The following NCOA1 variants were observed in gnomAD, a reference collection of about 807,000 sequenced individuals.
NCOA1 encodes Hin-2 protein.
A neutral mutation model predicts 150.9 loss-of-function variants in NCOA1; 35 were observed. The observed-to-expected ratio is 0.23, with a 90% CI of 0.18 to 0.31. NCOA1 has a LOEUF of 0.31. Ranked by LOEUF, NCOA1 falls within the 10% of genes least tolerant of loss-of-function variation. The pLI, the probability that NCOA1 is intolerant of heterozygous loss-of-function variation, is 1.00. For synonymous variants in NCOA1, 590 were observed against 630.0 expected (o/e 0.94, Z 0.95); for missense variants, 1,491 against 1,749.3 (o/e 0.85, Z 2.63).
intron 3 of NCOA1, among the ~76,000 whole-genome samples, chr2:24,616,633 G>A (rs1668882538): frequency 1.3e-5 from 2 of 152,262 alleles, no homozygotes; most frequent in Admixed American, 6.5e-5. Flanking sequence ...AACCTGATGA[G>A]TGTGACTTGA....
chr2:24,598,883 A>G (rs1487309647), intron 3 of NCOA1, among the ~76,000 whole-genome samples: 1 of 152,184 alleles, frequency 6.6e-6, no homozygotes, highest in African/African-American at 2.4e-5. Context: ...TAATCAAGAT[A>G]CTACCCAACT....
chr2:24,535,836 C>T (rs1200066962), intron 1 of NCOA1, among the ~76,000 whole-genome samples: 2 of 152,156 alleles, frequency 1.3e-5, no homozygotes, highest in African/African-American at 2.4e-5. Flanking sequence ...GTCTGATGGG[C>T]TTCCCTTTGT....
intron 21 of NCOA1, among the ~76,000 whole-genome samples, chr2:24,760,517 A>G (rs1001136896): frequency 1.3e-5 from 2 of 152,026 alleles, no homozygotes; most frequent in African/African-American, 4.8e-5. Flanking sequence ...TGTCTGAAAA[A>G]GTCTTTCACC....
At chr2:24,746,570 A>C (rs536971181) in intron 19 of NCOA1, among the ~76,000 whole-genome samples, 3 of 152,312 alleles carry the variant, frequency 2.0e-5, no homozygotes, top group African/African-American at 7.2e-5. Context: ...TAGTCTAGGC[A>C]AAGATAGAAC....
At position 24,760,452 on chromosome 2, in the gene NCOA1, C is replaced by T. The variant is rs191608954; in HGVS notation, c.4066-2235C>T. Among the ~76,000 whole-genome samples the T allele has an allele frequency of 6.7e-3, 1,024 of 152,024 alleles. 3 individuals carry two copies. The highest frequency in any genetic ancestry group is 9.8e-3 in the Admixed American group (149 of 15,264). On this transcript the variant is annotated intron_variant, in intron 21 of 22. Transcript: ENST00000348332. ...GATTACAGGCGTGAGCCACCGCGCCCGGCCTTGGCTTTAACATTTTTATAG... is the reference window on the plus strand; with the variant it reads ...GATTACAGGCGTGAGCCACCGCGCCTGGCCTTGGCTTTAACATTTTTATAG...
chr2:24,492,718 T>G (rs1347730105), intron 1 of NCOA1, among the ~76,000 whole-genome samples: 1 of 152,038 alleles, frequency 6.6e-6, no homozygotes, highest in Non-Finnish European at 1.5e-5. Context: ...TCGAGTGTGA[T>G]GTTGGTGAGT....
At position 24,621,432 on chromosome 2, in the gene NCOA1, A is replaced by ATTTTTTTTTTTTT. The variant is rs1162282258; in HGVS notation, c.-174-22513_-174-22501dup. ...TTGTGTTATGTGTGTATTCAGGCAGATTTTTTTTTTTTTTTTTTTTTTTTT... is the reference window on the plus strand; with the variant it reads ...TTGTGTTATGTGTGTATTCAGGCAGATTTTTTTTTTTTTTTTTTTTTTTTTTTTTTTTTTTTTT... On this transcript the variant is annotated intron_variant, in intron 3 of 22. Transcript: ENST00000348332. Among the ~76,000 whole-genome samples, 26 of 38,892 alleles carry ATTTTTTTTTTTTT rather than the reference A, an allele frequency of 6.7e-4. 7 individuals are homozygous for ATTTTTTTTTTTTT. The highest frequency in any genetic ancestry group is 1.5e-3 in the African/African-American group (13 of 8,606). The allele number at this position is 38,892 out of a possible 152,430, so 25.5% of individuals were successfully genotyped here.
intron 13 of NCOA1, among the ~76,000 whole-genome samples, chr2:24,709,335 T>C (rs1391399916): frequency 6.6e-6 from 1 of 152,138 alleles, no homozygotes; most frequent in Non-Finnish European, 1.5e-5. Flanking sequence ...GTATCAGTAT[T>C]TTTTCTAGTT....
chr2:24,728,834 G>A (rs929947255), intron 16 of NCOA1, among the ~76,000 whole-genome samples: 16 of 152,208 alleles, frequency 1.1e-4, no homozygotes, highest in African/African-American at 3.6e-4. Flanking sequence ...TTTTTTACAC[G>A]ATAGGGTGAT....
intron 1 of NCOA1, among the ~76,000 whole-genome samples, chr2:24,555,019 A>G (rs185845118): frequency 6.6e-6 from 1 of 152,210 alleles, no homozygotes; most frequent in Non-Finnish European, 1.5e-5. Flanking sequence ...TAGGACACAG[A>G]CACACACGAG....
At chr2:24,559,777 C>CG (rs11432265) in intron 1 of NCOA1, among the ~76,000 whole-genome samples, 138,558 of 152,132 alleles carry the variant, frequency 0.91, 63,146 homozygotes, top group East Asian at 0.99. Context: ...ACTCCACCAC[C>CG]TGGCAGAGGT....
intron 1 of NCOA1, among the ~76,000 whole-genome samples, chr2:24,544,237 TGA>T (rs1665514050): frequency 6.6e-6 from 1 of 152,148 alleles, no homozygotes. Context: ...GAGTTCAGTT[TGA>T]GATGCCTATG....
chr2:24,651,077 G>T (rs1670690400), intron 4 of NCOA1, among the ~76,000 whole-genome samples: 1 of 152,032 alleles, frequency 6.6e-6, no homozygotes, highest in Non-Finnish European at 1.5e-5. Context: ...TGAGAAAAGG[G>T]AACCCATGTA....
chr2:24,640,469 C>G (rs1371472122), intron 3 of NCOA1, among the ~76,000 whole-genome samples: 1 of 152,008 alleles, frequency 6.6e-6, no homozygotes, highest in African/African-American at 2.4e-5. Flanking sequence ...CTTTTAAGTT[C>G]TGTTTATGCT....
At chr2:24,664,706 CA>C (rs368427767) in intron 5 of NCOA1, among the ~76,000 whole-genome samples, 20 of 144,786 alleles carry the variant, frequency 1.4e-4, no homozygotes, top group South Asian at 8.8e-4. Context: ...GATTCCATCT[CA>C]AAAAAAAAAG....
At chr2:24,670,443 T>G (rs1671628940) in intron 6 of NCOA1, among the ~76,000 whole-genome samples, 1 of 152,142 alleles carries the variant, frequency 6.6e-6, no homozygotes. Context: ...AGCTGATGAA[T>G]AGATATATAA....
rs1026110471 is a variant in NCOA1 at position 24,729,556 on chromosome 2, C to G, written c.2942C>G (p.Pro981Arg). Residue 981 changes from proline (P) to arginine (R), a missense_variant, in exon 17 of 23, where the codon CCT (proline) becomes CGT (arginine). Transcript: ENST00000348332. ...TTTCCACCACAACAAGCAACGCCACCTTTGATCATGGAAGAAAGACCCAAC... is the reference window on the plus strand; with the variant it reads ...TTTCCACCACAACAAGCAACGCCACGTTTGATCATGGAAGAAAGACCCAAC... ...ERFPPQQATP[P>R]LIMEERPNLY... 6 of 1,614,174 alleles carry G rather than the reference C, an allele frequency of 3.7e-6. No individual in the cohort carries two copies. Among genetic ancestry groups the G allele is most frequent in the Non-Finnish European group, 5.1e-6 (6 of 1,180,016 alleles).
chr2:24,516,875 T>C lies in NCOA1; in HGVS notation c.-396+25273T>C, dbSNP rs111671403. 1.9e-3 allele frequency among the ~76,000 whole-genome samples: 271 copies of C among 143,868 alleles called. 4 individuals carry two copies. Among genetic ancestry groups the C allele is most frequent in the African/African-American group, 6.6e-3 (264 of 40,012 alleles). 94.4% of individuals were successfully genotyped at this position (143,868 alleles called of 152,430 possible). On this transcript the variant is annotated intron_variant, in intron 1 of 22. Transcript: ENST00000348332. ...AATATATCTTTATATACCAGTGTTT[T>C]TTCCTGTGCTCCCCCTTCAACCACA...
At chr2:24,516,954 A>G (rs1041532726) in intron 1 of NCOA1, among the ~76,000 whole-genome samples, 1,164 of 22,154 alleles carry the variant, frequency 0.053, 20 homozygotes, top group Admixed American at 0.059. Flanking sequence ...GTATATATAC[A>G]AGTATATATA....
Sources: allele counts gnomAD v4.1 joint callset (sites outside exome capture counted in the v4.1 genomes callset), GRCh38; gene constraint gnomAD v4.1.1; transcripts MANE v1.5; gene names NCBI Gene and HGNC (gene_info 2026-07-23, HGNC 2026-07-21).